The following PTDSS2 variants were observed in gnomAD, a reference collection of about 807,000 sequenced individuals.
PTDSS2 encodes the protein PSS-2.
In PTDSS2, 41 loss-of-function variants were observed where a neutral mutation model predicts 64.7. The observed-to-expected ratio is 0.63, with a 90% CI of 0.49 to 0.82. The LOEUF (loss-of-function observed/expected upper bound fraction) is 0.82. Ranked by LOEUF, PTDSS2 falls within the 40% of genes least tolerant of loss-of-function variation. The pLI, the probability that PTDSS2 is intolerant of heterozygous loss-of-function variation, is 0.00. For synonymous variants in PTDSS2, 297 were observed against 277.8 expected, an observed-to-expected ratio of 1.07 and a Z score of -0.69; for missense variants, 485 against 650.0, an observed-to-expected ratio of 0.75 and a Z score of 2.76.
At position 460,293 on chromosome 11, in the gene PTDSS2, G is replaced by A; in HGVS notation, c.284+5G>A. On this transcript the variant is annotated splice_donor_5th_base_variant and intron_variant, in intron 2 of 11. Transcript: ENST00000308020. This position sits in a 1 kb window ranked among gnomAD's most constrained non-coding sequence, Gnocchi z 5.8. ...CACGGCCTACAACACCAAGAGGTAA[G>A]CTGCCCTCTTGTCCTGCCTTCTGAA... 6.2e-7 allele frequency: 1 copy of A among 1,612,380 alleles called. No homozygotes were observed. The highest frequency in any genetic ancestry group is 1.3e-5 in the African/African-American group (1 of 75,006).
intron 2 of PTDSS2, among the ~76,000 whole-genome samples, chr11:469,346 C>T (rs1287636788): frequency 1.3e-5 from 1 of 79,574 alleles, no homozygotes; most frequent in African/African-American, 6.5e-5. Context: ...TCTGGGTAAT[C>T]GGAGGGAGGA....
At chr11:464,278 C>A (rs1564967931) in intron 2 of PTDSS2, among the ~76,000 whole-genome samples, 1 of 152,182 alleles carries the variant, frequency 6.6e-6, no homozygotes, top group South Asian at 2.1e-4. Flanking sequence ...CCACTGCGCC[C>A]GGCCCCGTTT....
chr11:468,184 G>A (rs1483941261), intron 2 of PTDSS2, among the ~76,000 whole-genome samples: 1 of 152,204 alleles, frequency 6.6e-6, no homozygotes, highest in African/African-American at 2.4e-5. Context: ...TTAAATACAT[G>A]TTTCTATAAA....
chr11:462,404 C>T lies in PTDSS2; in HGVS notation c.284+2116C>T, dbSNP rs1011333184. ...AGAGGGGCCAGGAGACGGGAATTCA[C>T]GGGGCCCTGGGCACTCTTCTCTGAG... On this transcript the variant is annotated intron_variant, in intron 2 of 11. Coordinates refer to ENST00000308020, the MANE Select transcript of PTDSS2 (RefSeq NM_030783.3). This position sits in a 1 kb window ranked among gnomAD's most constrained non-coding sequence, Gnocchi z 4.5. Among the ~76,000 whole-genome samples the T allele has an allele frequency of 3.3e-5, 5 of 152,222 alleles. No homozygotes were observed. Among genetic ancestry groups the T allele is most frequent in the Non-Finnish European group, 5.9e-5 (4 of 68,030 alleles).
In PTDSS2 at chr11:468,637, G is replaced by T. The variant is rs112314832; in HGVS notation, c.285-5258G>T. 6.0e-3 allele frequency among the ~76,000 whole-genome samples: 915 copies of T among 152,336 alleles called. 13 individuals carry two copies. The highest frequency in any genetic ancestry group is 0.021 in the African/African-American group (874 of 41,568). On this transcript the variant is annotated intron_variant, in intron 2 of 11. Coordinates refer to ENST00000308020, the MANE Select transcript of PTDSS2 (RefSeq NM_030783.3). Reference sequence around the variant, plus strand: ...GAATGGCACAGACGCTGCTCTAGTCGATAAAGTTTTGCTGCACAGAGGTGC... The same window carrying T: ...GAATGGCACAGACGCTGCTCTAGTCTATAAAGTTTTGCTGCACAGAGGTGC...
At position 490,808 on chromosome 11, in the gene PTDSS2, ACG is replaced by A. The variant is rs1848650023; in HGVS notation, c.*231_*232del. ...TGTATGCGTGTGTGTACGCGTGTGT[ACG>A]CGCGTGTGTACACATGCGTGGCCGC... is the stretch of plus-strand genomic sequence containing the variant. On this transcript the variant is annotated 3_prime_UTR_variant, in exon 12 of 12. Transcript: ENST00000308020. 46 of 578,868 alleles carry A rather than the reference ACG, an allele frequency of 7.9e-5. No individual in the cohort carries two copies. Among genetic ancestry groups the A allele is most frequent in the South Asian group, 2.7e-4 (13 of 47,426 alleles). 35.9% of individuals were successfully genotyped at this position (578,868 alleles called of 1,614,324 possible).
At chr11:488,476 CG>C in intron 7 of PTDSS2, 52 bp from the exon 8 acceptor site, 1 of 1,503,336 alleles carries the variant, frequency 6.7e-7, no homozygotes, top group Middle Eastern at 1.7e-4. Flanking sequence ...GGGTCCTCCT[CG>C]GGGGGCTCGT....
At chr11:466,268 G>A (rs1222344638) in intron 2 of PTDSS2, among the ~76,000 whole-genome samples, 1 of 152,170 alleles carries the variant, frequency 6.6e-6, no homozygotes, top group East Asian at 1.9e-4. Context: ...GAGGTTCATC[G>A]ACTCACAGTT....
At chr11:455,835 C>T (rs1846563195) in intron 1 of PTDSS2, among the ~76,000 whole-genome samples, 1 of 152,186 alleles carries the variant, frequency 6.6e-6, no homozygotes, top group Non-Finnish European at 1.5e-5. Flanking sequence ...TCTTAGCTCT[C>T]CTGTATTGGT....
Position 470,035 on chromosome 11 carries a change from C to T in PTDSS2, c.285-3860C>T, listed in dbSNP as rs1201375782. ...AATAAACAGAGGGAACAAGACCAAC[C>T]TTCCCTGCAGAAGGTTTTCAGTAAA... On this transcript the variant is annotated intron_variant, in intron 2 of 11. Coordinates refer to ENST00000308020, the MANE Select transcript of PTDSS2 (RefSeq NM_030783.3). This position sits in a 1 kb window ranked among gnomAD's most constrained non-coding sequence, Gnocchi z 5.3. Among the ~76,000 whole-genome samples, 1 of 152,202 alleles carries T rather than the reference C, an allele frequency of 6.6e-6. No individual in the cohort carries two copies. Among genetic ancestry groups the T allele is most frequent in the African/African-American group, 2.4e-5 (1 of 41,444 alleles).
chr11:487,630 C>T (rs765349427), intron 6 of PTDSS2, among the ~76,000 whole-genome samples, 160 bp downstream of exon 6: 5 of 152,096 alleles, frequency 3.3e-5, no homozygotes, highest in Non-Finnish European at 5.9e-5. Flanking sequence ...GTGGGGCTCC[C>T]GGACCTCCCA....
intron 2 of PTDSS2, among the ~76,000 whole-genome samples, chr11:471,749 T>C (rs867397564): frequency 0.015 from 1,354 of 92,052 alleles, 9 homozygotes; most frequent in African/African-American, 0.025. Context: ...ACGCAGATGG[T>C]GGCCTGGGGT....
At chr11:474,237 C>T (rs1847614043) in intron 3 of PTDSS2, among the ~76,000 whole-genome samples, 1 of 152,210 alleles carries the variant, frequency 6.6e-6, no homozygotes, top group African/African-American at 2.4e-5. Context: ...CAGCCCTTCT[C>T]TTCCTGCTTC....
In PTDSS2 at chr11:473,924, T is replaced by C. The variant is rs748533616; in HGVS notation, c.314T>C (p.Leu105Ser). Reference protein sequence around the residue: ...RGIVASILVFLCFGVTQAKDG... With the variant: ...RGIVASILVFSCFGVTQAKDG... The stretch of plus-strand genomic sequence containing the variant: ...ATTGTGGCCAGTATTTTGGTTTTCT[T>C]ATGTTTTGGAGTCACACAAGCTAAA... Residue 105 changes from leucine to serine, a missense_variant, in exon 3 of 12, where the codon TTA becomes TCA. Leu to Ser is a moderately radical substitution (Grantham distance 145). This residue lies in a region of PTDSS2 where 251 missense variants were observed against 348.0 expected (regional missense o/e 0.72). Transcript: ENST00000308020. The C allele has an allele frequency of 6.2e-6, 10 of 1,614,078 alleles. No individual in the cohort carries two copies. Among genetic ancestry groups the C allele is most frequent in the South Asian group, 1.1e-5 (1 of 91,080 alleles).
intron 2 of PTDSS2, among the ~76,000 whole-genome samples, chr11:468,431 C>T (rs1331928677): frequency 6.6e-6 from 1 of 152,186 alleles, no homozygotes; most frequent in African/African-American, 2.4e-5. Context: ...CTGGACAACA[C>T]GAGCAGACCG....
intron 3 of PTDSS2, 117 bp downstream of exon 3, chr11:474,094 C>G (rs751822821): frequency 1.2e-6 from 1 of 815,260 alleles, no homozygotes; most frequent in African/African-American, 1.7e-5. Context: ...GGCCCCTCCC[C>G]GAGGCCTCCG....
rs1349616608 is a variant in PTDSS2, at chr11:479,421, C to A, written c.435+269C>A. ...TCTGCTGGTGGGGCGCTGACTGTGG[C>A]CATTTAGCAGGGCCACACTTAAGGA... On this transcript the variant is annotated intron_variant, in intron 4 of 11. Transcript: ENST00000308020. The surrounding 1 kb of genome is among the most constrained non-coding windows in gnomAD (Gnocchi z 4.2). 1.8e-6 allele frequency: 1 copy of A among 550,726 alleles called. No homozygotes were observed. The highest frequency in any genetic ancestry group is 3.3e-6 in the Non-Finnish European group (1 of 307,040). 34.1% of individuals were successfully genotyped at this position (550,726 alleles called of 1,614,324 possible).
chr11:479,364 G>T lies in PTDSS2; in HGVS notation c.435+212G>T, dbSNP rs542093249. 1 of 611,108 alleles carries T rather than the reference G, an allele frequency of 1.6e-6. No homozygotes were observed. The highest frequency in any genetic ancestry group is 2.9e-6 in the Non-Finnish European group (1 of 343,940). 37.9% of individuals were successfully genotyped at this position (611,108 alleles called of 1,614,324 possible). ...GGCAGCAAAGCTAGACCTTCAAAAC[G>T]TAGGCCGAGCTGCGGGGGGCCTCCA... On this transcript the variant is annotated intron_variant, in intron 4 of 11. Transcript: ENST00000308020. The surrounding 1 kb of genome is among the most constrained non-coding windows in gnomAD (Gnocchi z 4.2).
At position 489,271 on chromosome 11, in the gene PTDSS2, T is replaced by C. The variant is rs920491652; in HGVS notation, c.855-129T>C. 1.1e-5 allele frequency: 8 copies of C among 723,890 alleles called. No homozygotes were observed. The South Asian group carries it at 1.4e-4, about 12-fold the overall frequency. The allele number at this position is 723,890 out of a possible 1,614,324, so 44.8% of individuals were successfully genotyped here. ...CCCGATGGCACAGGGCGGGGCGGGG[T>C]GACCAAGAGCAGAGCTCGTCCGATG... On this transcript the variant is annotated intron_variant, in intron 8 of 11. Coordinates refer to ENST00000308020, the MANE Select transcript of PTDSS2 (RefSeq NM_030783.3).
Sources: gnomAD v4.1 joint callset for allele counts (sites outside exome capture counted in the v4.1 genomes callset) on GRCh38, gnomAD v4.1.1 for gene constraint, gnomAD v4.1.1 regional missense constraint, Gnocchi (gnomAD v3.1) non-coding constraint, MANE v1.5 for transcripts, NCBI Gene and HGNC (gene_info 2026-07-23, HGNC 2026-07-21) for gene names.